The following CCDC178 variants were observed in gnomAD, a reference collection of about 807,000 sequenced individuals.
The protein encoded by CCDC178 is coiled-coil domain-containing protein 178.
A neutral mutation model predicts 117.4 loss-of-function variants in CCDC178; 126 were observed. The observed-to-expected ratio is 1.07, with a 90% CI of 0.93 to 1.24. The LOEUF is 1.24. CCDC178 is among the 50% of genes most tolerant of loss of function. The pLI, the probability that CCDC178 is intolerant of heterozygous loss-of-function variation, is 0.00. For synonymous variants in CCDC178, 283 were observed against 313.4 expected (o/e 0.90, Z 1.02); for missense variants, 1,030 against 986.9 (o/e 1.04, Z -0.59).
At position 33,094,570 on chromosome 18, in the gene CCDC178, C is replaced by T. The variant is rs570938618; in HGVS notation, c.2239-1660G>A. Among the ~76,000 whole-genome samples the T allele has an allele frequency of 1.2e-4, 18 of 151,810 alleles. No individual in the cohort carries two copies. The East Asian group carries it at 3.3e-3, about 28-fold the overall frequency. ...TTTTCTTTCCATTTCTAGGTGGCTA[C>T]TACAAACATTTAATTTGAGAGGAGT... On this transcript the variant is annotated intron_variant, in intron 20 of 22. Coordinates refer to ENST00000383096, the MANE Select transcript of CCDC178 (RefSeq NM_001105528.4).
chr18:33,334,740 C>G (rs961543906), intron 9 of CCDC178, among the ~76,000 whole-genome samples: 1 of 151,938 alleles, frequency 6.6e-6, no homozygotes, highest in Non-Finnish European at 1.5e-5. Flanking sequence ...TTTCTTTTCT[C>G]TAAGATGTTG....
intron 20 of CCDC178, among the ~76,000 whole-genome samples, chr18:33,097,224 AC>A (rs1179035288): frequency 6.6e-6 from 1 of 152,008 alleles, no homozygotes; most frequent in Non-Finnish European, 1.5e-5. Flanking sequence ...GAGGGCATTC[AC>A]CCTTGGAACC....
At chr18:33,050,720 A>C (rs1009663361) in intron 21 of CCDC178, among the ~76,000 whole-genome samples, 2 of 152,212 alleles carry the variant, frequency 1.3e-5, no homozygotes, top group African/African-American at 4.8e-5. Flanking sequence ...TTAGAGAGTA[A>C]TGAGGCATTG....
At chr18:33,046,927 TTGAC>T (rs2056654674) in intron 21 of CCDC178, among the ~76,000 whole-genome samples, 1 of 152,194 alleles carries the variant, frequency 6.6e-6, no homozygotes, top group Non-Finnish European at 1.5e-5. Context: ...TAACTTGTAT[TTGAC>T]TGACTCTAAC....
intron 4 of CCDC178, 138 bp downstream of exon 4, chr18:33,397,011 A>G: frequency 3.3e-6 from 2 of 612,910 alleles, no homozygotes; most frequent in African/African-American, 1.9e-5. Flanking sequence ...AAGCGTTACG[A>G]TTATTCTCAT....
intron 20 of CCDC178, among the ~76,000 whole-genome samples, chr18:33,149,871 C>G (rs1183878620): frequency 6.6e-6 from 1 of 152,074 alleles, no homozygotes; most frequent in Non-Finnish European, 1.5e-5. Flanking sequence ...TCATTCTTCA[C>G]AGAACTAGAA....
intron 20 of CCDC178, among the ~76,000 whole-genome samples, chr18:33,162,528 C>A (rs2058478021): frequency 1.3e-5 from 2 of 152,004 alleles, no homozygotes; most frequent in Non-Finnish European, 2.9e-5. Context: ...ATTTCATCAC[C>A]CAGATATTAA....
rs73955301 is a variant in CCDC178 at position 33,017,065 on chromosome 18, A to C, written c.2389-42384T>G. Reference sequence around the variant, plus strand: ...CAAGAAAAAGACAATAAATATGTGAATACAACTATTCAACATTTTACTATC... The same window carrying C: ...CAAGAAAAAGACAATAAATATGTGACTACAACTATTCAACATTTTACTATC... On this transcript the variant is annotated intron_variant, in intron 21 of 22. Coordinates refer to ENST00000383096, the MANE Select transcript of CCDC178 (RefSeq NM_001105528.4). 1.5e-3 allele frequency among the ~76,000 whole-genome samples: 224 copies of C among 152,038 alleles called. 2 individuals carry two copies. Among genetic ancestry groups the C allele is most frequent in the African/African-American group, 5.1e-3 (212 of 41,584 alleles).
intron 9 of CCDC178, among the ~76,000 whole-genome samples, chr18:33,340,292 C>T (rs1266475706): frequency 6.6e-6 from 1 of 152,164 alleles, no homozygotes; most frequent in East Asian, 1.9e-4. Context: ...TGGAAGAAAC[C>T]CTAAGCAGCG....
intron 19 of CCDC178, among the ~76,000 whole-genome samples, chr18:33,212,266 T>C (rs1016425916): frequency 6.6e-6 from 1 of 151,976 alleles, no homozygotes; most frequent in African/African-American, 2.4e-5. Flanking sequence ...GGAAGAACAG[T>C]GTATTCTCTT....
chr18:33,379,127 T>A (rs2063402191), intron 5 of CCDC178, among the ~76,000 whole-genome samples: 1 of 139,756 alleles, frequency 7.2e-6, no homozygotes, highest in African/African-American at 2.6e-5. Context: ...ATATATATAA[T>A]ATATATATTT....
At chr18:33,085,195 G>T (rs1598866069) in intron 21 of CCDC178, among the ~76,000 whole-genome samples, 1 of 152,110 alleles carries the variant, frequency 6.6e-6, no homozygotes, top group Non-Finnish European at 1.5e-5. Flanking sequence ...CTAAATAATA[G>T]AAATATTAGT....
intron 18 of CCDC178, among the ~76,000 whole-genome samples, chr18:33,217,264 A>AT (rs1358875275): frequency 6.6e-6 from 1 of 151,910 alleles, no homozygotes; most frequent in African/African-American, 2.4e-5. Flanking sequence ...ATCTTGACTG[A>AT]TTCTTGGTTT....
At chr18:32,956,521 A>C (rs1298821453) in intron 22 of CCDC178, 1 of 152,192 alleles carries the variant, frequency 6.6e-6, no homozygotes, top group African/African-American at 2.4e-5. Context: ...CTCCCCTCTG[A>C]TAATAAATCA....
chr18:33,221,076 A>AT, intron 18 of CCDC178, among the ~76,000 whole-genome samples: 1 of 151,916 alleles, frequency 6.6e-6, no homozygotes. Flanking sequence ...CACTCACTTC[A>AT]TTTTTTCTCA....
intron 11 of CCDC178, among the ~76,000 whole-genome samples, chr18:33,320,699 A>C (rs549347760): frequency 3.3e-5 from 5 of 152,332 alleles, no homozygotes; most frequent in African/African-American, 1.2e-4. Flanking sequence ...ATCCCCATCA[A>C]GCTACCAATG....
intron 3 of CCDC178, among the ~76,000 whole-genome samples, chr18:33,401,651 ACATTTAGT>A (rs1245704024): frequency 1.3e-5 from 2 of 152,058 alleles, no homozygotes; most frequent in African/African-American, 4.8e-5. Flanking sequence ...ATGATATATA[ACATTTAGT>A]CATGCGTTTA....
chr18:33,208,362 T>C (rs905556501), intron 20 of CCDC178, among the ~76,000 whole-genome samples: 1 of 152,052 alleles, frequency 6.6e-6, no homozygotes, highest in Non-Finnish European at 1.5e-5. Flanking sequence ...CCACAGAATA[T>C]GTCATTTTTT....
chr18:33,363,563 G>A (rs1422639464), intron 6 of CCDC178, among the ~76,000 whole-genome samples: 1 of 151,976 alleles, frequency 6.6e-6, no homozygotes, highest in Non-Finnish European at 1.5e-5. Flanking sequence ...ATAAAATTCA[G>A]AATTTTATGG....
Sources: allele counts gnomAD v4.1 joint callset (sites outside exome capture counted in the v4.1 genomes callset), GRCh38; gene constraint gnomAD v4.1.1; transcripts MANE v1.5; gene names NCBI Gene and HGNC (gene_info 2026-07-23, HGNC 2026-07-21).